The following NME7 variants were observed in gnomAD, a reference collection of about 807,000 sequenced individuals.
The protein encoded by NME7 is NME/NM23 family member 7.
In NME7, 41 loss-of-function variants were observed where a neutral mutation model predicts 49.1. The observed-to-expected ratio is 0.83, with a 90% CI of 0.65 to 1.08. The LOEUF is 1.08. Ranked by LOEUF, NME7 falls within the 50% of genes least tolerant of loss-of-function variation. The probability of loss-of-function intolerance (pLI) is 0.00; values close to 1 mark genes in which losing one functional copy is unlikely to be tolerated. For synonymous variants in NME7, 139 were observed against 150.6 expected, an observed-to-expected ratio of 0.92 and a Z score of 0.56; for missense variants, 423 against 463.4, an observed-to-expected ratio of 0.91 and a Z score of 0.80.
intron 7 of NME7, among the ~76,000 whole-genome samples, chr1:169,246,209 G>A (rs1010544336): frequency 6.6e-6 from 1 of 152,190 alleles, no homozygotes; most frequent in Admixed American, 6.5e-5. Context: ...AGGAGGCTAA[G>A]GTGGGAGGAT....
chr1:169,211,003 A>C (rs74231889), intron 10 of NME7, among the ~76,000 whole-genome samples: 1 of 146,130 alleles, frequency 6.8e-6, no homozygotes, highest in Non-Finnish European at 1.5e-5. Flanking sequence ...TTTTTTTTTT[A>C]ATTTTTCTTT....
chr1:169,239,174 T>C (rs945063413), intron 7 of NME7, among the ~76,000 whole-genome samples: 22 of 152,104 alleles, frequency 1.4e-4, no homozygotes, highest in South Asian at 1.2e-3. Context: ...ATGAGCAAGC[T>C]GGTCTGAAGA....
chr1:169,178,932 T>C (rs1406887523), intron 10 of NME7, among the ~76,000 whole-genome samples: 1 of 151,462 alleles, frequency 6.6e-6, no homozygotes, highest in African/African-American at 2.4e-5. Context: ...ACAATTCTCC[T>C]GCCTCAGTCT....
chr1:169,342,943 AC>A (rs1652821558), intron 1 of NME7, among the ~76,000 whole-genome samples: 14 of 49,208 alleles, frequency 2.8e-4, no homozygotes, highest in African/African-American at 5.5e-4. Context: ...ACATATATAT[AC>A]TTGTATTAGT....
intron 11 of NME7, among the ~76,000 whole-genome samples, chr1:169,147,946 TATTTCTTGAAAGAAATAATTTCA>T (rs1176198775): frequency 1.3e-5 from 2 of 152,178 alleles, no homozygotes; most frequent in African/African-American, 4.8e-5. Flanking sequence ...CATACAATAT[TATTTCTTGAAAGAAATAATTTCA>T]ATTTCTTGAA....
At position 169,135,119 on chromosome 1, in the gene NME7, G is replaced by C. The variant is rs143659207; in HGVS notation, c.1099-2302C>G. On this transcript the variant is annotated intron_variant, in intron 11 of 11. Transcript: ENST00000367811. ...GTGGTAGGACAGCTTGAGTCCAGGAGGTTCAAGTCTTCAAGGCTTCGGTAA... is the reference window on the plus strand; with the variant it reads ...GTGGTAGGACAGCTTGAGTCCAGGACGTTCAAGTCTTCAAGGCTTCGGTAA... Among the ~76,000 whole-genome samples, 1,050 of 151,300 alleles carry C rather than the reference G, an allele frequency of 6.9e-3. 14 individuals are homozygous for C. The highest frequency in any genetic ancestry group is 0.024 in the African/African-American group (986 of 41,248).
chr1:169,150,870 A>G (rs1658894444), intron 11 of NME7, among the ~76,000 whole-genome samples: 1 of 152,188 alleles, frequency 6.6e-6, no homozygotes, highest in African/African-American at 2.4e-5. Flanking sequence ...CTTCAAACAT[A>G]AAAGGCTACA....
At chr1:169,254,680 T>C (rs897137416) in intron 7 of NME7, among the ~76,000 whole-genome samples, 11 of 146,480 alleles carry the variant, frequency 7.5e-5, no homozygotes, top group African/African-American at 2.7e-4. Context: ...GGATCTTTCC[T>C]GCTTTCTCTT....
rs748635699 is a variant in NME7 at position 169,310,005 on chromosome 1, A to C, written c.354T>G (p.Phe118Leu). Residue 118 changes from phenylalanine to leucine, a missense_variant, in exon 4 of 12, where the codon TTT (phenylalanine) becomes TTG (leucine). Physicochemically the swap from Phe to Leu is conservative, Grantham distance 22. Transcript: ENST00000367811. ...TCATCATTTTGAGTTTGGTTATAGTAAATCCAGCTTTGTTTATTATTTCAA... is the reference window on the plus strand; with the variant it reads ...TCATCATTTTGAGTTTGGTTATAGTCAATCCAGCTTTGTTTATTATTTCAA... Reference protein sequence around the residue: ...EIIEIINKAGFTITKLKMMML... With the variant: ...EIIEIINKAGLTITKLKMMML... 24 of 1,605,140 alleles carry C rather than the reference A, an allele frequency of 1.5e-5. No individual in the cohort carries two copies. The highest frequency in any genetic ancestry group is 2.0e-5 in the Non-Finnish European group (24 of 1,175,352).
At chr1:169,359,391 A>T (rs561109211) in intron 1 of NME7, among the ~76,000 whole-genome samples, 1 of 152,040 alleles carries the variant, frequency 6.6e-6, no homozygotes, top group South Asian at 2.1e-4. Context: ...AAAATGCAAA[A>T]GATATATTAA....
intron 9 of NME7, among the ~76,000 whole-genome samples, chr1:169,231,333 T>C (rs942047963): frequency 6.6e-6 from 1 of 152,146 alleles, no homozygotes; most frequent in Admixed American, 6.5e-5. Context: ...CCTGAAAGTA[T>C]GGAAACAGAT....
At chr1:169,224,674 C>A (rs559956586) in intron 10 of NME7, among the ~76,000 whole-genome samples, 2 of 151,948 alleles carry the variant, frequency 1.3e-5, no homozygotes, top group African/African-American at 4.8e-5. Flanking sequence ...TATTCTATTT[C>A]GAAAAATCTA....
chr1:169,187,446 A>G (rs1660098590), intron 10 of NME7, among the ~76,000 whole-genome samples: 1 of 152,134 alleles, frequency 6.6e-6, no homozygotes, highest in South Asian at 2.1e-4. Flanking sequence ...GGGTGCATAT[A>G]TATTTAGGAT....
chr1:169,332,905 A>T (rs569219654), intron 1 of NME7, among the ~76,000 whole-genome samples: 26 of 152,326 alleles, frequency 1.7e-4, no homozygotes, highest in Admixed American at 1.3e-3. Context: ...TATGGAGAAC[A>T]GTTTGAAGGT....
chr1:169,166,151 G>C (rs978373112), intron 11 of NME7, among the ~76,000 whole-genome samples: 2 of 151,666 alleles, frequency 1.3e-5, no homozygotes, highest in African/African-American at 4.8e-5. Flanking sequence ...ATTTTTAATG[G>C]GTATAAATTT....
chr1:169,357,204 T>TA (rs1253409525), intron 1 of NME7, among the ~76,000 whole-genome samples: 1 of 152,114 alleles, frequency 6.6e-6, no homozygotes, highest in Non-Finnish European at 1.5e-5. Context: ...AAGTTAGTAT[T>TA]ACAATGTTAC....
chr1:169,191,618 G>A (rs1001969389), intron 10 of NME7, among the ~76,000 whole-genome samples: 4 of 152,096 alleles, frequency 2.6e-5, no homozygotes, highest in Non-Finnish European at 5.9e-5. Flanking sequence ...AGTTATTCAC[G>A]TATAATCTCA....
At position 169,265,384 on chromosome 1, in the gene NME7, T is replaced by C. The variant is rs1208211364; in HGVS notation, c.754+21919A>G. 2.2e-5 allele frequency among the ~76,000 whole-genome samples: 3 copies of C among 133,364 alleles called. No individual in the cohort carries two copies. The East Asian group carries it at 5.9e-4, about 26-fold the overall frequency. The allele number at this position is 133,364 out of a possible 152,430, so 87.5% of individuals were successfully genotyped here. ...AAACAACCTGCTCCTGAATGACTCTTAGGTAAATAATGAAATTAAGGCAGA... is the reference window on the plus strand; with the variant it reads ...AAACAACCTGCTCCTGAATGACTCTCAGGTAAATAATGAAATTAAGGCAGA... On this transcript the variant is annotated intron_variant, in intron 7 of 11. Coordinates refer to ENST00000367811, the MANE Select transcript of NME7 (RefSeq NM_013330.5).
chr1:169,195,894 T>C (rs1660367428), intron 10 of NME7, among the ~76,000 whole-genome samples: 1 of 130,054 alleles, frequency 7.7e-6, no homozygotes, highest in Admixed American at 7.5e-5. Flanking sequence ...GTATAGTATG[T>C]TTAGAAGCTA....
Sources: gnomAD v4.1 joint callset for allele counts (sites outside exome capture counted in the v4.1 genomes callset) on GRCh38, gnomAD v4.1.1 for gene constraint, MANE v1.5 for transcripts, NCBI Gene and HGNC (gene_info 2026-07-23, HGNC 2026-07-21) for gene names.